Variants in SLC25A48 observed in about 807,000 individuals in gnomAD.
SLC25A48 encodes solute carrier family 25 member 48.
A neutral mutation model predicts 32.2 loss-of-function variants in SLC25A48; 29 were observed. The ratio of observed to expected loss-of-function variants is 0.90; its 90% CI spans 0.67 to 1.23. The LOEUF is 1.23. SLC25A48 is among the 50% of genes most tolerant of loss of function. The pLI, the probability that SLC25A48 is intolerant of heterozygous loss-of-function variation, is 0.00. For missense variants in SLC25A48, 399 were observed against 422.7 expected (o/e 0.94, Z 0.49); for synonymous variants, 164 against 172.3 (o/e 0.95, Z 0.38).
At chr5:135,748,446 G>T (rs1755693426) in intron 3 of SLC25A48, among the ~76,000 whole-genome samples, 1 of 151,930 alleles carries the variant, frequency 6.6e-6, no homozygotes, top group Admixed American at 6.6e-5. Flanking sequence ...CTAATTTTTT[G>T]TATTTTTGGT....
rs1376219735 is a variant in SLC25A48, at chr5:135,734,225, G to T, written c.-520-78298G>T. ...CCATACTTGTGGGTTAAGGTGGGGG[G>T]ATACGAGAGGAAGATGCAAAGGAGG... On this transcript the variant is annotated intron_variant, in intron 3 of 10. Coordinates refer to the SLC25A48 transcript ENST00000646290. Among the ~76,000 whole-genome samples, 8 of 152,248 alleles carry T rather than the reference G, an allele frequency of 5.3e-5. No individual in the cohort carries two copies. In the South Asian group the frequency reaches 8.3e-4, roughly 16 times the overall value.
At chr5:135,650,642 G>C in intron 3 of SLC25A48, 1 of 319,004 alleles carries the variant, frequency 3.1e-6, no homozygotes, top group Non-Finnish European at 6.2e-6. Flanking sequence ...CCCTGGCCAG[G>C]TTCCAGGGAA....
intron 3 of SLC25A48, among the ~76,000 whole-genome samples, chr5:135,662,607 T>A (rs1224425682): frequency 1.3e-5 from 2 of 152,112 alleles, no homozygotes. Context: ...TGAGTTCAAA[T>A]CCTGGCTCTT....
At chr5:135,835,639 T>TATTAGGA (rs1758439580) in intron 1 of SLC25A48, among the ~76,000 whole-genome samples, 1 of 131,914 alleles carries the variant, frequency 7.6e-6, no homozygotes, top group Non-Finnish European at 1.5e-5. Context: ...TTTTCTCAGC[T>TATTAGGA]ATTAGGAAAG....
At chr5:135,727,780 C>T (rs921287238) in intron 3 of SLC25A48, among the ~76,000 whole-genome samples, 4 of 152,184 alleles carry the variant, frequency 2.6e-5, no homozygotes, top group African/African-American at 9.7e-5. Context: ...GCCAATACCA[C>T]AGTCTTGATT....
intron 3 of SLC25A48, among the ~76,000 whole-genome samples, chr5:135,641,284 A>G (rs1194852087): frequency 6.6e-6 from 1 of 152,200 alleles, no homozygotes; most frequent in East Asian, 1.9e-4. Context: ...ATTTTAGAAG[A>G]TATTTGTGAC....
At chr5:135,684,613 C>G (rs1204728754) in intron 3 of SLC25A48, among the ~76,000 whole-genome samples, 1 of 152,158 alleles carries the variant, frequency 6.6e-6, no homozygotes, top group African/African-American at 2.4e-5. Flanking sequence ...ATGGGTAACT[C>G]CTGGAGAAGG....
At chr5:135,790,049 A>G (rs1228056919) in intron 3 of SLC25A48, among the ~76,000 whole-genome samples, 1 of 151,942 alleles carries the variant, frequency 6.6e-6, no homozygotes, top group African/African-American at 2.4e-5. Flanking sequence ...GGATATTAGT[A>G]ATAATATAAC....
At chr5:135,878,220 C>G (rs2126826998) in intron 6 of SLC25A48, among the ~76,000 whole-genome samples, 1 of 152,294 alleles carries the variant, frequency 6.6e-6, no homozygotes, top group South Asian at 2.1e-4. Context: ...AAGTGGCCCA[C>G]AGCTCCTGCA....
Position 135,703,356 on chromosome 5 carries a change from G to A in SLC25A48, c.-521+68400G>A, listed in dbSNP as rs969028175. Among the ~76,000 whole-genome samples, 9 of 152,154 alleles carry A rather than the reference G, an allele frequency of 5.9e-5. No homozygotes were observed. In the East Asian group the frequency reaches 1.7e-3, roughly 29 times the overall value. On this transcript the variant is annotated intron_variant, in intron 3 of 10. Transcript: ENST00000646290. The stretch of plus-strand genomic sequence containing the variant: ...AGACAACCCCACACGGCAGCCCAGT[G>A]AGGCCTCCCTTTTGTTTGCAGACAA...
intron 4 of SLC25A48, among the ~76,000 whole-genome samples, chr5:135,828,832 C>T (rs1043848459): frequency 1.3e-5 from 2 of 152,200 alleles, no homozygotes; most frequent in African/African-American, 4.8e-5. Context: ...GCTGCCCCTC[C>T]TACAGCCATG....
intron 3 of SLC25A48, among the ~76,000 whole-genome samples, chr5:135,697,711 C>T (rs971470663): frequency 9.9e-5 from 15 of 152,182 alleles, no homozygotes; most frequent in Non-Finnish European, 1.9e-4. Context: ...CAGGCAGGTG[C>T]TTCCTGGAGA....
intron 3 of SLC25A48, among the ~76,000 whole-genome samples, chr5:135,694,899 T>A (rs1436442235): frequency 6.6e-6 from 1 of 152,154 alleles, no homozygotes; most frequent in African/African-American, 2.4e-5. Flanking sequence ...GATGGATGAT[T>A]TTAGAATTTA....
chr5:135,620,898 ATC>A (rs1288414713), intron 1 of SLC25A48, among the ~76,000 whole-genome samples: 2 of 151,922 alleles, frequency 1.3e-5, no homozygotes, highest in Non-Finnish European at 2.9e-5. Flanking sequence ...ACTGCTGGAG[ATC>A]TCTCTCTTAC....
intron 3 of SLC25A48, among the ~76,000 whole-genome samples, chr5:135,636,304 T>G (rs1456297604): frequency 6.6e-6 from 1 of 152,204 alleles, no homozygotes; most frequent in Non-Finnish European, 1.5e-5. Context: ...CACTGTTTAA[T>G]GAGCGAGAGA....
intron 2 of SLC25A48, among the ~76,000 whole-genome samples, chr5:135,845,785 G>A (rs1759356030): frequency 3.9e-5 from 6 of 152,198 alleles, no homozygotes. Flanking sequence ...ACTTGTCTAG[G>A]GTCCGGGGAC....
upstream of SLC25A48, chr5:135,834,582 C>G (rs1045505028): frequency 6.8e-6 from 3 of 443,480 alleles, no homozygotes; most frequent in Non-Finnish European, 1.2e-5. Context: ...CTGGGATGAG[C>G]CGCGCGGAGC....
chr5:135,688,011 C>A (rs900376554), intron 3 of SLC25A48, among the ~76,000 whole-genome samples: 14 of 152,394 alleles, frequency 9.2e-5, no homozygotes, highest in Non-Finnish European at 1.8e-4. Context: ...CATCCATCTT[C>A]AGAACTCATT....
chr5:135,847,740 G>A (rs972312231), intron 2 of SLC25A48, among the ~76,000 whole-genome samples: 2 of 152,076 alleles, frequency 1.3e-5, no homozygotes, highest in African/African-American at 4.8e-5. Context: ...AAAAGCTGGG[G>A]GAGACAAGAA....
Sources: gnomAD v4.1 joint callset for allele counts (sites outside exome capture counted in the v4.1 genomes callset) on GRCh38, gnomAD v4.1.1 for gene constraint, MANE v1.5 for transcripts, NCBI Gene and HGNC (gene_info 2026-07-23, HGNC 2026-07-21) for gene names.